IGF2BP2: variants seen among roughly 807,000 people sequenced by gnomAD.
IGF2BP2 encodes insulin like growth factor 2 mRNA binding protein 2, also known as insulin-like growth factor 2 mRNA-binding protein 2.
Under a neutral mutation model 75.8 loss-of-function variants are expected in IGF2BP2, and 17 were observed. The ratio of observed to expected loss-of-function variants is 0.22; its 90% CI spans 0.15 to 0.34. The LOEUF is 0.34. Among genes scored for constraint, IGF2BP2 ranks in the 10% least tolerant of loss-of-function variants. The pLI is 1.00. For missense variants in IGF2BP2, 516 were observed against 772.4 expected, an observed-to-expected ratio of 0.67 and a Z score of 3.93; for synonymous variants, 288 against 295.6, an observed-to-expected ratio of 0.97 and a Z score of 0.26.
chr3:185,702,079 C>T (rs1025157219), intron 2 of IGF2BP2, among the ~76,000 whole-genome samples: 6 of 152,136 alleles, frequency 3.9e-5, no homozygotes, highest in Non-Finnish European at 7.4e-5. Flanking sequence ...TTCGGTTGTT[C>T]TGGTAGCTCA....
chr3:185,674,718 G>GA (rs200790171), intron 9 of IGF2BP2, among the ~76,000 whole-genome samples: 4,245 of 152,242 alleles, frequency 0.028, 74 homozygotes, highest in Non-Finnish European at 0.04. Flanking sequence ...TACATACATG[G>GA]AAAAAATCCC....
At position 185,672,661 on chromosome 3, in the gene IGF2BP2, G is replaced by T; in HGVS notation, c.1080C>A (p.Ala360=). Residue 360 remains alanine, a synonymous_variant, in exon 10 of 16, where the codon GCC becomes GCA. Transcript: ENST00000382199. ...ENDMLAVNQQ[A]NLIPGLNLSA... is the part of the protein sequence containing the mutation. ...TGAGGTTCAACCCTGGGATCAGATT[G>T]GCTTGTTGCTGGGAATAGAAATGGA... The T allele has an allele frequency of 6.2e-7, 1 of 1,614,130 alleles. No homozygotes were observed. Among genetic ancestry groups the T allele is most frequent in the Non-Finnish European group, 8.5e-7 (1 of 1,180,006 alleles).
At chr3:185,725,799 C>T (rs1339374638) in intron 2 of IGF2BP2, among the ~76,000 whole-genome samples, 1 of 151,976 alleles carries the variant, frequency 6.6e-6, no homozygotes, top group African/African-American at 2.4e-5. Flanking sequence ...TATTGAGACC[C>T]CAATCTCTAT....
At chr3:185,746,513 C>T (rs968081126) in intron 2 of IGF2BP2, among the ~76,000 whole-genome samples, 1 of 152,220 alleles carries the variant, frequency 6.6e-6, no homozygotes, top group Non-Finnish European at 1.5e-5. Context: ...TTCAGAAGGA[C>T]TGGCCTTTCT....
In IGF2BP2 at chr3:185,675,405, G is replaced by A. The variant is rs753420204; in HGVS notation, c.962C>T (p.Pro321Leu). The A allele has an allele frequency of 1.6e-5, 25 of 1,612,100 alleles. No homozygotes were observed. Among genetic ancestry groups the A allele is most frequent in the Middle Eastern group, 1.7e-4 (1 of 5,924 alleles). The change falls in exon 9 of 16, where the codon CCG becomes CTG. Residue 321 changes from proline to leucine, a missense_variant. Physicochemically the swap from Pro to Leu is moderately conservative, Grantham distance 98. Coordinates refer to ENST00000382199, the MANE Select transcript of IGF2BP2 (RefSeq NM_006548.6). ...SSLQDLSIYN[P>L]ERTITVKGTV... ...GCCCTTCACAGTGATGGTTCTTTCCGGGTTGTATATGCTCAAATCCTGCAA... is the reference window on the plus strand; with the variant it reads ...GCCCTTCACAGTGATGGTTCTTTCCAGGTTGTATATGCTCAAATCCTGCAA...
At chr3:185,738,139 A>T (rs73175567) in intron 2 of IGF2BP2, among the ~76,000 whole-genome samples, 36,129 of 152,164 alleles carry the variant, frequency 0.24, 5,023 homozygotes, top group Non-Finnish European at 0.31. Context: ...AAATAAATTC[A>T]TTTCTACCAA....
chr3:185,714,229 GTAT>G (rs1725257827), intron 2 of IGF2BP2, among the ~76,000 whole-genome samples: 1 of 151,772 alleles, frequency 6.6e-6, no homozygotes, highest in Non-Finnish European at 1.5e-5. Context: ...GTATAGGGTA[GTAT>G]TATTCTTTTT....
chr3:185,695,278 T>A (rs936161697), intron 4 of IGF2BP2, among the ~76,000 whole-genome samples: 1 of 152,192 alleles, frequency 6.6e-6, no homozygotes, highest in Non-Finnish European at 1.5e-5. Flanking sequence ...GCAGAATAGA[T>A]CATATACAAG....
intron 2 of IGF2BP2, among the ~76,000 whole-genome samples, chr3:185,718,645 A>G (rs1371717733): frequency 7.7e-6 from 1 of 129,404 alleles, no homozygotes; most frequent in Non-Finnish European, 1.6e-5. Context: ...AGATCACACC[A>G]CCGCACTCCA....
rs138803264 is a variant in IGF2BP2 at position 185,693,993 on chromosome 3, G to A, written c.341-1231C>T. 3.9e-3 allele frequency among the ~76,000 whole-genome samples: 592 copies of A among 152,234 alleles called. 2 individuals are homozygous for A. Among genetic ancestry groups the A allele is most frequent in the African/African-American group, 0.013 (555 of 41,552 alleles). On this transcript the variant is annotated intron_variant, in intron 4 of 15. Transcript: ENST00000382199. Reference sequence around the variant, plus strand: ...GATTTGCAAAGGGACCTGAGACCCCGAAAAGCTTAAGGACTACTGTTAAAA... The same window carrying A: ...GATTTGCAAAGGGACCTGAGACCCCAAAAAGCTTAAGGACTACTGTTAAAA...
At chr3:185,772,321 T>C (rs1273900596) in intron 2 of IGF2BP2, among the ~76,000 whole-genome samples, 1 of 152,200 alleles carries the variant, frequency 6.6e-6, no homozygotes. Flanking sequence ...GCTGTTCTAT[T>C]TGCTGAAGAG....
Position 185,672,413 on chromosome 3 carries a change from T to C in IGF2BP2, c.1200+128A>G, listed in dbSNP as rs76047716. Reference sequence around the variant, plus strand: ...TAAGAAATGTTGAGTTCAACCTACATTGGATTCATCTCTACTCGAGCATGG... The same window carrying C: ...TAAGAAATGTTGAGTTCAACCTACACTGGATTCATCTCTACTCGAGCATGG... On this transcript the variant is annotated intron_variant, in intron 10 of 15. Coordinates refer to ENST00000382199, the MANE Select transcript of IGF2BP2 (RefSeq NM_006548.6). 1.7e-3 allele frequency: 1,547 copies of C among 934,380 alleles called. 11 individuals are homozygous for C. The East Asian group carries it at 0.02, about 12-fold the overall frequency. The allele number at this position is 934,380 out of a possible 1,614,324, so 57.9% of individuals were successfully genotyped here. A position where few individuals can be genotyped will look rare whatever the true frequency, so the allele number is the denominator to read the frequency against.
chr3:185,793,130 G>A lies in IGF2BP2; in HGVS notation c.239+30023C>T, dbSNP rs528940763. Among the ~76,000 whole-genome samples, 200 of 152,286 alleles carry A rather than the reference G, an allele frequency of 1.3e-3. 3 individuals carry two copies. Among genetic ancestry groups the A allele is most frequent in the African/African-American group, 4.1e-3 (169 of 41,558 alleles). On this transcript the variant is annotated intron_variant, in intron 2 of 15. Coordinates refer to ENST00000382199, the MANE Select transcript of IGF2BP2 (RefSeq NM_006548.6). ...TAGTCTTCTGGAATTATCTTACTGC[G>A]CAATTATATGGCTTCCTACATTAAG...
chr3:185,818,329 G>C (rs1294433922), intron 2 of IGF2BP2, among the ~76,000 whole-genome samples: 2 of 152,164 alleles, frequency 1.3e-5, no homozygotes, highest in Non-Finnish European at 2.9e-5. Flanking sequence ...GGTCCTTTCA[G>C]TAGCATGCTC....
chr3:185,707,175 A>G (rs2149398387), intron 2 of IGF2BP2, among the ~76,000 whole-genome samples: 1 of 139,696 alleles, frequency 7.2e-6, no homozygotes, highest in East Asian at 2.2e-4. Context: ...CGGTGAGCCA[A>G]GATCGCATCA....
chr3:185,649,876 A>G (rs797000564), intron 13 of IGF2BP2, among the ~76,000 whole-genome samples: 14 of 152,206 alleles, frequency 9.2e-5, no homozygotes, highest in African/African-American at 3.4e-4. Context: ...ACCTATAAAG[A>G]TTTGCTTGAT....
rs1719282184 is a variant in IGF2BP2, at chr3:185,675,970, A to G, written c.813-57T>C. The G allele has an allele frequency of 2.5e-6, 4 of 1,581,650 alleles. No individual in the cohort carries two copies. In the South Asian group the frequency reaches 3.5e-5, roughly 14 times the overall value. ...AGATACGTATAACGGTTGTCTCCCA[A>G]AAACCATTACCTTGCTTTTTTCTTA... On this transcript the variant is annotated intron_variant, in intron 7 of 15. Coordinates refer to ENST00000382199, the MANE Select transcript of IGF2BP2 (RefSeq NM_006548.6).
chr3:185,734,303 A>T (rs1487322450), intron 2 of IGF2BP2, among the ~76,000 whole-genome samples: 3 of 152,192 alleles, frequency 2.0e-5, no homozygotes, highest in Non-Finnish European at 4.4e-5. Flanking sequence ...CATTTTATAG[A>T]AGAGGAAACA....
intron 2 of IGF2BP2, among the ~76,000 whole-genome samples, chr3:185,762,844 C>A (rs1434543671): frequency 6.6e-6 from 1 of 152,158 alleles, no homozygotes; most frequent in Non-Finnish European, 1.5e-5. Flanking sequence ...TAACACAGAA[C>A]AATCTGCAGC....
Sources: allele counts gnomAD v4.1 joint callset (sites outside exome capture counted in the v4.1 genomes callset), GRCh38; gene constraint gnomAD v4.1.1; transcripts MANE v1.5; gene names NCBI Gene and HGNC (gene_info 2026-07-23, HGNC 2026-07-21).